The following GALNT17 variants were observed in gnomAD, a reference collection of about 807,000 sequenced individuals.
The protein encoded by GALNT17 is polypeptide N-acetylgalactosaminyltransferase 17.
In GALNT17, 29 loss-of-function variants were observed where a neutral mutation model predicts 63.7. The observed-to-expected ratio is 0.46, with a 90% CI of 0.34 to 0.62. GALNT17 has a LOEUF of 0.62. Ranked by LOEUF, GALNT17 falls within the 20% of genes least tolerant of loss-of-function variation. The probability of loss-of-function intolerance (pLI) is 0.01; values close to 1 mark genes in which losing one functional copy is unlikely to be tolerated. For missense variants in GALNT17, 603 were observed against 799.6 expected (o/e 0.75, Z 2.97); for synonymous variants, 305 against 318.3 (o/e 0.96, Z 0.45).
At chr7:71,584,825 A>T (rs956927999) in intron 6 of GALNT17, among the ~76,000 whole-genome samples, 2 of 151,930 alleles carry the variant, frequency 1.3e-5, no homozygotes, top group African/African-American at 2.4e-5. Flanking sequence ...CGCGATCTCC[A>T]CTCACTGCAA....
At chr7:71,466,700 C>T (rs1787541882) in intron 5 of GALNT17, among the ~76,000 whole-genome samples, 1 of 152,138 alleles carries the variant, frequency 6.6e-6, no homozygotes, top group East Asian at 1.9e-4. Flanking sequence ...CAGTCCTCAT[C>T]TTGACTCAAG....
intron 5 of GALNT17, among the ~76,000 whole-genome samples, chr7:71,524,104 G>A (rs956705973): frequency 2.6e-5 from 4 of 151,120 alleles, no homozygotes; most frequent in Non-Finnish European, 4.4e-5. Context: ...GTGACAGAGC[G>A]AGAATGTGTC....
chr7:71,336,391 A>G lies in GALNT17; in HGVS notation c.422+658A>G, dbSNP rs546160568. The stretch of plus-strand genomic sequence containing the variant: ...ATTTTATGTTCAGGGGAACATGTGT[A>G]GGTTTGTTATATAGGTTAATTGCAT... On this transcript the variant is annotated intron_variant, in intron 2 of 10. Coordinates refer to ENST00000333538, the MANE Select transcript of GALNT17 (RefSeq NM_022479.3). Among the ~76,000 whole-genome samples, 83 of 152,072 alleles carry G rather than the reference A, an allele frequency of 5.5e-4. 1 individual carries two copies. The highest frequency in any genetic ancestry group is 2.4e-3 in the Admixed American group (36 of 15,252).
At chr7:71,311,986 A>G (rs1024899669) in intron 1 of GALNT17, among the ~76,000 whole-genome samples, 1 of 152,194 alleles carries the variant, frequency 6.6e-6, no homozygotes, top group Non-Finnish European at 1.5e-5. Flanking sequence ...TCTCCATGAG[A>G]CATGTCCATG....
At chr7:71,652,715 G>A (rs958871789) in intron 6 of GALNT17, among the ~76,000 whole-genome samples, 1 of 152,184 alleles carries the variant, frequency 6.6e-6, no homozygotes. Flanking sequence ...CAATGTAAAT[G>A]GATTTAAATG....
intron 5 of GALNT17, among the ~76,000 whole-genome samples, chr7:71,524,039 A>T (rs879691923): frequency 1.3e-5 from 2 of 150,618 alleles, no homozygotes; most frequent in African/African-American, 2.4e-5. Flanking sequence ...AATCGCTTGA[A>T]CCCAGGAGTC....
At chr7:71,258,841 A>G (rs1790332134) in intron 1 of GALNT17, among the ~76,000 whole-genome samples, 1 of 152,222 alleles carries the variant, frequency 6.6e-6, no homozygotes, top group African/African-American at 2.4e-5. Flanking sequence ...GATGATATTT[A>G]TGCTGAGTTT....
At chr7:71,204,570 C>CTTT (rs200937071) in intron 1 of GALNT17, among the ~76,000 whole-genome samples, 1,908 of 140,794 alleles carry the variant, frequency 0.014, 43 homozygotes, top group African/African-American at 0.047. Context: ...TTTTCTTTTT[C>CTTT]TTTTTTTTTT....
At chr7:71,324,473 T>C (rs1418846664) in intron 1 of GALNT17, among the ~76,000 whole-genome samples, 1 of 152,124 alleles carries the variant, frequency 6.6e-6, no homozygotes, top group Non-Finnish European at 1.5e-5. Context: ...CAACATGTCT[T>C]AACTTGGTCT....
At chr7:71,245,984 A>C (rs113196895) in intron 1 of GALNT17, among the ~76,000 whole-genome samples, 219 of 151,918 alleles carry the variant, frequency 1.4e-3, no homozygotes, top group African/African-American at 4.9e-3. Context: ...ACATACTCCG[A>C]GCCATAAAAA....
chr7:71,255,578 G>A (rs985422450), intron 1 of GALNT17, among the ~76,000 whole-genome samples: 24 of 152,198 alleles, frequency 1.6e-4, no homozygotes, highest in South Asian at 2.1e-4. Flanking sequence ...TTACTGGGAC[G>A]GTAGTGCAAA....
At chr7:71,486,650 G>T (rs1787915000) in intron 5 of GALNT17, among the ~76,000 whole-genome samples, 1 of 151,202 alleles carries the variant, frequency 6.6e-6, no homozygotes, top group Non-Finnish European at 1.5e-5. Context: ...GAGCCCAGCA[G>T]TTCAAGACCA....
intron 2 of GALNT17, among the ~76,000 whole-genome samples, chr7:71,377,675 T>C (rs1321171781): frequency 6.6e-6 from 1 of 152,194 alleles, no homozygotes; most frequent in East Asian, 1.9e-4. Flanking sequence ...TCTCTAATCG[T>C]AATCCCCATG....
chr7:71,287,239 T>C (rs573669896), intron 1 of GALNT17, among the ~76,000 whole-genome samples: 8 of 152,198 alleles, frequency 5.3e-5, no homozygotes, highest in African/African-American at 1.9e-4. Context: ...ACAGGCATTG[T>C]GCCACCATGC....
At chr7:71,407,257 C>A (rs557059785) in intron 3 of GALNT17, among the ~76,000 whole-genome samples, 1 of 152,258 alleles carries the variant, frequency 6.6e-6, no homozygotes, top group South Asian at 2.1e-4. Flanking sequence ...GACTTGGAAA[C>A]CCATGGAACA....
intron 6 of GALNT17, among the ~76,000 whole-genome samples, chr7:71,663,398 C>T (rs893210771): frequency 1.3e-5 from 2 of 152,064 alleles, no homozygotes; most frequent in South Asian, 2.1e-4. Context: ...ATATATTGTC[C>T]GTACCTTGAA....
intron 1 of GALNT17, among the ~76,000 whole-genome samples, chr7:71,260,345 C>G (rs1293556680): frequency 6.6e-6 from 1 of 152,200 alleles, no homozygotes; most frequent in Non-Finnish European, 1.5e-5. Flanking sequence ...CTCCCTGACT[C>G]CCAGGAGAGC....
chr7:71,399,067 C>G (rs537345075), intron 3 of GALNT17, among the ~76,000 whole-genome samples: 15 of 151,992 alleles, frequency 9.9e-5, no homozygotes, highest in Non-Finnish European at 1.8e-4. Context: ...ACCCCGTCTA[C>G]GCTAAAAATA....
At chr7:71,181,337 A>C (rs1319163799) in intron 1 of GALNT17, among the ~76,000 whole-genome samples, 1 of 152,080 alleles carries the variant, frequency 6.6e-6, no homozygotes, top group Non-Finnish European at 1.5e-5. Flanking sequence ...CAGATACTGG[A>C]GCCCTTTCAA....
Sources: allele counts gnomAD v4.1 joint callset (sites outside exome capture counted in the v4.1 genomes callset), GRCh38; gene constraint gnomAD v4.1.1; transcripts MANE v1.5; gene names NCBI Gene and HGNC (gene_info 2026-07-23, HGNC 2026-07-21).